EYA4: variants seen among roughly 807,000 people sequenced by gnomAD.
EYA4 encodes the protein protein phosphatase EYA4.
Under a neutral mutation model 87.9 loss-of-function variants are expected in EYA4, and 31 were observed. The ratio of observed to expected loss-of-function variants is 0.35; its 90% CI spans 0.27 to 0.48. The LOEUF is 0.48. Ranked by LOEUF, EYA4 falls within the 20% of genes least tolerant of loss-of-function variation. The probability of loss-of-function intolerance (pLI) is 0.99; values close to 1 mark genes in which losing one functional copy is unlikely to be tolerated. For synonymous variants in EYA4, 263 were observed against 270.6 expected (o/e 0.97, Z 0.28); for missense variants, 678 against 761.4 (o/e 0.89, Z 1.29).
chr6:133,341,590 T>A (rs1367379010), intron 2 of EYA4, among the ~76,000 whole-genome samples: 1 of 152,134 alleles, frequency 6.6e-6, no homozygotes, highest in Non-Finnish European at 1.5e-5. Context: ...AGTTTAAAGG[T>A]GTAACATTGA....
At chr6:133,359,509 T>A (rs887036558) in intron 2 of EYA4, among the ~76,000 whole-genome samples, 1 of 152,206 alleles carries the variant, frequency 6.6e-6, no homozygotes, top group Non-Finnish European at 1.5e-5. Flanking sequence ...AATTCCCTTA[T>A]CTGTTTTTGA....
chr6:133,254,508 C>CG (rs1418721712), intron 1 of EYA4, among the ~76,000 whole-genome samples: 1 of 151,964 alleles, frequency 6.6e-6, no homozygotes, highest in African/African-American at 2.4e-5. Context: ...ATTTTCCATA[C>CG]AAAGATGAGC....
At chr6:133,308,678 A>G (rs1779992898) in intron 2 of EYA4, among the ~76,000 whole-genome samples, 1 of 152,088 alleles carries the variant, frequency 6.6e-6, no homozygotes, top group Non-Finnish European at 1.5e-5. Context: ...GTTTTCTGTT[A>G]CTGTGTTAAT....
At chr6:133,339,853 A>C (rs1434996549) in intron 2 of EYA4, among the ~76,000 whole-genome samples, 1 of 152,202 alleles carries the variant, frequency 6.6e-6, no homozygotes, top group Non-Finnish European at 1.5e-5. Flanking sequence ...GAGGACGCTG[A>C]CTTTGAGGCA....
intron 13 of EYA4, among the ~76,000 whole-genome samples, chr6:133,499,785 A>G (rs1797950216): frequency 6.6e-6 from 1 of 151,978 alleles, no homozygotes; most frequent in Non-Finnish European, 1.5e-5. Context: ...TCTTCCTCAT[A>G]AGCAACTCTA....
intron 2 of EYA4, among the ~76,000 whole-genome samples, chr6:133,338,522 T>C (rs1267558322): frequency 6.6e-6 from 1 of 152,208 alleles, no homozygotes; most frequent in East Asian, 1.9e-4. Context: ...TAACAATTCA[T>C]ACAAATTAAG....
At chr6:133,506,256 G>A (rs1798611321) in intron 14 of EYA4, 61 bp downstream of exon 14, 2 of 929,924 alleles carry the variant, frequency 2.2e-6, no homozygotes, top group Admixed American at 3.5e-5. Flanking sequence ...GATGGTTTCT[G>A]TATCTGTAGA....
At chr6:133,439,049 C>CAAAAAAAACAAAAAAAAAA (rs1791995649) in intron 3 of EYA4, among the ~76,000 whole-genome samples, 1 of 64,024 alleles carries the variant, frequency 1.6e-5, no homozygotes, top group Non-Finnish European at 2.6e-5. Flanking sequence ...GACTCCGTCT[C>CAAAAAAAACAAAAAAAAAA]AAAAAAAAAA....
intron 11 of EYA4, among the ~76,000 whole-genome samples, chr6:133,469,179 A>G (rs1038159925): frequency 6.6e-6 from 1 of 152,030 alleles, no homozygotes; most frequent in Admixed American, 6.6e-5. Context: ...TCTTTGTGTG[A>G]TCAGTGTGTA....
At chr6:133,345,516 G>T (rs1234676680) in intron 2 of EYA4, among the ~76,000 whole-genome samples, 1 of 152,120 alleles carries the variant, frequency 6.6e-6, no homozygotes, top group Non-Finnish European at 1.5e-5. Context: ...TATAAATTTT[G>T]CTGATTATCA....
chr6:133,357,428 G>T (rs1274852306), intron 2 of EYA4, among the ~76,000 whole-genome samples: 3 of 152,142 alleles, frequency 2.0e-5, no homozygotes, highest in Admixed American at 1.3e-4. Context: ...TGTTGTTGAA[G>T]TAGCAAAATG....
chr6:133,455,046 G>A lies in EYA4; in HGVS notation c.278-1510G>A, dbSNP rs1341420846. On this transcript the variant is annotated intron_variant, in intron 5 of 19. Transcript: ENST00000355286. Reference sequence around the variant, plus strand: ...GTCTATAAAATGGTTATAGTGATTTGTATTAATTAGAGTTGTTTTAAGGAT... The same window carrying A: ...GTCTATAAAATGGTTATAGTGATTTATATTAATTAGAGTTGTTTTAAGGAT... 2.0e-5 allele frequency among the ~76,000 whole-genome samples: 3 copies of A among 152,192 alleles called. No homozygotes were observed. The South Asian group carries it at 6.2e-4, about 32-fold the overall frequency.
rs934953999 is a variant in EYA4 at position 133,514,086 on chromosome 6, A to C, written c.1501+1048A>C. On this transcript the variant is annotated intron_variant, in intron 16 of 19. Coordinates refer to ENST00000355286, the MANE Select transcript of EYA4 (RefSeq NM_004100.5). ...AACAGATACATAATAACTGTAAGAG[A>C]ACAAAAAATGTAGAGCCAAAGAGGA... is the stretch of plus-strand genomic sequence containing the variant. Among the ~76,000 whole-genome samples the C allele has an allele frequency of 2.6e-5, 4 of 152,174 alleles. No homozygotes were observed. The South Asian group carries it at 8.3e-4, about 32-fold the overall frequency.
chr6:133,428,911 C>CGTTTTTTTT (rs1790918398), intron 3 of EYA4, among the ~76,000 whole-genome samples: 1 of 48,230 alleles, frequency 2.1e-5, no homozygotes. Context: ...GATTTAGCTT[C>CGTTTTTTTT]TTTTTTTTTT....
intron 2 of EYA4, among the ~76,000 whole-genome samples, chr6:133,370,675 T>G (rs1481209254): frequency 6.6e-6 from 1 of 152,252 alleles, no homozygotes; most frequent in Non-Finnish European, 1.5e-5. Flanking sequence ...TAATAGTACA[T>G]GCTACTGCAG....
chr6:133,337,665 A>T (rs1322541007), intron 2 of EYA4, among the ~76,000 whole-genome samples: 2 of 152,212 alleles, frequency 1.3e-5, no homozygotes, highest in Non-Finnish European at 2.9e-5. Context: ...CTAATTTGAT[A>T]CACATCTCTA....
intron 2 of EYA4, among the ~76,000 whole-genome samples, chr6:133,300,916 C>T (rs1479288075): frequency 6.6e-6 from 1 of 152,138 alleles, no homozygotes; most frequent in Admixed American, 6.5e-5. Flanking sequence ...GGTCTGCTTC[C>T]CTACTGTATT....
At chr6:133,299,939 C>CTATATATATATATA (rs201050418) in intron 2 of EYA4, among the ~76,000 whole-genome samples, 1 of 134,646 alleles carries the variant, frequency 7.4e-6, no homozygotes, top group Non-Finnish European at 1.6e-5. Context: ...ATCTATCTAT[C>CTATATATATATATA]TATCTATCTA....
chr6:133,428,522 C>G (rs1790875804), intron 3 of EYA4, among the ~76,000 whole-genome samples: 2 of 152,178 alleles, frequency 1.3e-5, no homozygotes, highest in Admixed American at 1.3e-4. Context: ...TTTATCTGCT[C>G]TCATAACTGG....
Sources: allele counts gnomAD v4.1 joint callset (sites outside exome capture counted in the v4.1 genomes callset), GRCh38; gene constraint gnomAD v4.1.1; transcripts MANE v1.5; gene names NCBI Gene and HGNC (gene_info 2026-07-23, HGNC 2026-07-21).